Variants in MYO1D observed in about 807,000 individuals in gnomAD.
MYO1D encodes the protein myosin ID, also known as unconventional myosin-Id.
A neutral mutation model predicts 122.0 loss-of-function variants in MYO1D; 83 were observed. That is an observed-to-expected ratio of 0.68 (90% CI 0.57 to 0.82). MYO1D has a LOEUF of 0.82. MYO1D is among the 40% of genes least tolerant of loss of function. MYO1D has a pLI of 0.00. For synonymous variants in MYO1D, 464 were observed against 446.9 expected (o/e 1.04, Z -0.48); for missense variants, 1,157 against 1,269.5 (o/e 0.91, Z 1.35).
intron 21 of MYO1D, among the ~76,000 whole-genome samples, chr17:32,581,048 G>C (rs977684143): frequency 6.6e-5 from 10 of 152,088 alleles, no homozygotes; most frequent in South Asian, 6.2e-4. Context: ...ATCTATAGTA[G>C]AACTCCCCAG....
intron 12 of MYO1D, 79 bp from the exon 13 acceptor site, chr17:32,745,364 G>A: frequency 1.2e-6 from 1 of 823,504 alleles, no homozygotes; most frequent in Non-Finnish European, 2.0e-6. Context: ...GAGGCAACAA[G>A]CCTTTCCACC....
At chr17:32,671,781 T>C (rs948830988) in intron 16 of MYO1D, among the ~76,000 whole-genome samples, 2 of 152,208 alleles carry the variant, frequency 1.3e-5, no homozygotes, top group African/African-American at 4.8e-5. Context: ...TTAATTCATA[T>C]GTTAACCTGC....
chr17:32,780,677 C>G lies in MYO1D; in HGVS notation c.203G>C (p.Gly68Ala), dbSNP rs1487159644. ...AGGCGGTCTCTCATACAGCTCACGGCCTTTATACTGCTCAATTGTGTCTCT... is the reference window on the plus strand; with the variant it reads ...AGGCGGTCTCTCATACAGCTCACGGGCTTTATACTGCTCAATTGTGTCTCT... ...YGRDTIEQYK[G>A]RELYERPPHL... Residue 68 changes from glycine to alanine, a missense_variant, in exon 2 of 22, where the codon GGC becomes GCC. Physicochemically the swap from Gly to Ala is moderately conservative, Grantham distance 60 (BLOSUM62 0). Coordinates refer to ENST00000318217, the MANE Select transcript of MYO1D (RefSeq NM_015194.3). 1 of 1,614,110 alleles carries G rather than the reference C, an allele frequency of 6.2e-7. No homozygotes were observed. The highest frequency in any genetic ancestry group is 8.5e-7 in the Non-Finnish European group (1 of 1,180,024).
At chr17:32,619,341 G>A (rs1004304003) in intron 20 of MYO1D, among the ~76,000 whole-genome samples, 1 of 152,156 alleles carries the variant, frequency 6.6e-6, no homozygotes, top group Non-Finnish European at 1.5e-5. Context: ...CATCACAAGG[G>A]TACATAAAGC....
chr17:32,543,418 T>C (rs1169448018), intron 21 of MYO1D, among the ~76,000 whole-genome samples: 65 of 131,508 alleles, frequency 4.9e-4, no homozygotes, highest in East Asian at 3.0e-3. Context: ...CTACTAAAAA[T>C]ACAAAAAATT....
At chr17:32,552,937 C>T (rs570666267) in intron 21 of MYO1D, among the ~76,000 whole-genome samples, 2 of 152,114 alleles carry the variant, frequency 1.3e-5, no homozygotes, top group Non-Finnish European at 2.9e-5. Context: ...AAACACAGGC[C>T]TTTAAAGAAG....
intron 16 of MYO1D, among the ~76,000 whole-genome samples, chr17:32,661,250 A>T (rs953885156): frequency 2.0e-5 from 3 of 152,160 alleles, no homozygotes; most frequent in Non-Finnish European, 4.4e-5. Flanking sequence ...AAATGCATAT[A>T]AAAAAACACA....
chr17:32,823,931 G>A (rs1008672726), intron 1 of MYO1D, among the ~76,000 whole-genome samples: 3 of 151,940 alleles, frequency 2.0e-5, no homozygotes, highest in African/African-American at 7.2e-5. Context: ...GCGGGGCGTG[G>A]TGGTGGGCAC....
At chr17:32,706,811 T>C (rs321179) in intron 16 of MYO1D, among the ~76,000 whole-genome samples, 74,912 of 151,838 alleles carry the variant, frequency 0.49, 18,774 homozygotes, top group East Asian at 0.73. Context: ...ATTCTCCTGT[T>C]TCAGCCTCCT....
At chr17:32,580,250 GT>G in intron 21 of MYO1D, among the ~76,000 whole-genome samples, 1 of 137,728 alleles carries the variant, frequency 7.3e-6, no homozygotes, top group South Asian at 2.3e-4. Flanking sequence ...ACTTTACCAG[GT>G]TGTAGAAGTC....
chr17:32,824,612 T>C (rs534474030), intron 1 of MYO1D, among the ~76,000 whole-genome samples: 1 of 152,340 alleles, frequency 6.6e-6, no homozygotes, highest in East Asian at 1.9e-4. Context: ...AAAATTAGGA[T>C]TGAAGAAGAC....
At chr17:32,659,802 C>T (rs1303643588) in intron 16 of MYO1D, among the ~76,000 whole-genome samples, 1 of 152,202 alleles carries the variant, frequency 6.6e-6, no homozygotes, top group Non-Finnish European at 1.5e-5. Context: ...CTGATTTACA[C>T]ACAGCCTGTG....
chr17:32,768,447 T>C (rs768903994), intron 6 of MYO1D, among the ~76,000 whole-genome samples: 2 of 152,164 alleles, frequency 1.3e-5, no homozygotes, highest in African/African-American at 2.4e-5. Context: ...AATAAAGCAA[T>C]AGTAACTGCT....
intron 16 of MYO1D, among the ~76,000 whole-genome samples, chr17:32,682,333 T>C (rs1042701878): frequency 6.6e-6 from 1 of 151,116 alleles, no homozygotes; most frequent in Admixed American, 6.6e-5. Context: ...GTTGATGCAG[T>C]TTCTTCCTAG....
chr17:32,725,039 G>A (rs1051293160), intron 14 of MYO1D, among the ~76,000 whole-genome samples: 2 of 152,180 alleles, frequency 1.3e-5, no homozygotes, highest in African/African-American at 4.8e-5. Flanking sequence ...CCAGACACTG[G>A]AGTTATCAGA....
chr17:32,764,504 A>C (rs1052487950), intron 8 of MYO1D, among the ~76,000 whole-genome samples: 2 of 152,212 alleles, frequency 1.3e-5, no homozygotes, highest in African/African-American at 4.8e-5. Flanking sequence ...TAATGTGTAC[A>C]TGTCCTGAAA....
At chr17:32,521,383 G>T (rs1219210663) in intron 21 of MYO1D, among the ~76,000 whole-genome samples, 2 of 152,100 alleles carry the variant, frequency 1.3e-5, no homozygotes, top group East Asian at 3.8e-4. Flanking sequence ...TTTCTGTAGA[G>T]GCAGACTTCA....
intron 21 of MYO1D, among the ~76,000 whole-genome samples, chr17:32,566,209 C>T (rs537353620): frequency 3.6e-4 from 52 of 145,504 alleles, no homozygotes; most frequent in Admixed American, 8.2e-4. Flanking sequence ...AAAAAGTATA[C>T]GAAAAGGAAG....
intron 21 of MYO1D, among the ~76,000 whole-genome samples, chr17:32,517,600 G>A (rs973441443): frequency 6.6e-6 from 1 of 152,148 alleles, no homozygotes; most frequent in Non-Finnish European, 1.5e-5. Flanking sequence ...CGTTGTTAAA[G>A]CTCCCTGGGT....
Sources: gnomAD v4.1 joint callset for allele counts (sites outside exome capture counted in the v4.1 genomes callset) on GRCh38, gnomAD v4.1.1 for gene constraint, MANE v1.5 for transcripts, NCBI Gene and HGNC (gene_info 2026-07-23, HGNC 2026-07-21) for gene names.